The following RAB27B variants were observed in gnomAD, a reference collection of about 807,000 sequenced individuals.
The protein encoded by RAB27B is RAB27B, member RAS oncogene family.
A neutral mutation model predicts 24.6 loss-of-function variants in RAB27B; 15 were observed. The ratio of observed to expected loss-of-function variants is 0.61; its 90% CI spans 0.41 to 0.94. The LOEUF (loss-of-function observed/expected upper bound fraction) is 0.94, where lower values mean the gene tolerates loss of function less well. RAB27B is among the 40% of genes least tolerant of loss of function. RAB27B has a pLI of 0.00. For synonymous variants in RAB27B, 105 were observed against 92.5 expected, an observed-to-expected ratio of 1.14 and a Z score of -0.78; for missense variants, 261 against 266.8, an observed-to-expected ratio of 0.98 and a Z score of 0.15.
intron 4 of RAB27B, among the ~76,000 whole-genome samples, chr18:54,886,687 G>A (rs1913149762): frequency 1.3e-5 from 2 of 151,848 alleles, no homozygotes. Flanking sequence ...TTCAGAGAAT[G>A]GTTTGTTTAT....
In RAB27B at chr18:54,819,549, A is replaced by G. The variant is rs1167808684; in HGVS notation, c.-19-58018A>G. ...TCCATCTCAAAAAAAAAAAAAAAAG[A>G]AAAAAAAAAGAATAGATCATGTTCC... On this transcript the variant is annotated intron_variant, in intron 2 of 4. Coordinates refer to the RAB27B transcript ENST00000586570. Among the ~76,000 whole-genome samples the G allele has an allele frequency of 3.5e-5, 5 of 142,688 alleles. No individual in the cohort carries two copies. In the East Asian group the frequency reaches 8.2e-4, roughly 23 times the overall value. The allele number at this position is 142,688 out of a possible 152,430, so 93.6% of individuals were successfully genotyped here. A position where few individuals can be genotyped will look rare whatever the true frequency, so the allele number is the denominator to read the frequency against.
chr18:54,888,075 G>A lies in RAB27B; in HGVS notation c.424G>A (p.Glu142Lys). 1 of 1,613,112 alleles carries A rather than the reference G, an allele frequency of 6.2e-7. No individual in the cohort carries two copies. Among genetic ancestry groups the A allele is most frequent in the Non-Finnish European group, 8.5e-7 (1 of 1,179,370 alleles). ...GNKADLPDQR[E>K]VNERQARELA... ...CAAGGCAGACCTACCAGATCAGAGG[G>A]AAGTCAATGAACGGCAAGCTCGGGA... Residue 142 changes from glutamate (E) to lysine (K), a missense_variant, in exon 5 of 6, where the codon GAA becomes AAA. Transcript: ENST00000262094.
intron 3 of RAB27B, among the ~76,000 whole-genome samples, chr18:54,883,565 T>C (rs1913012417): frequency 6.6e-6 from 1 of 152,142 alleles, no homozygotes; most frequent in Non-Finnish European, 1.5e-5. Flanking sequence ...TTAACTTCAC[T>C]GAAGATGGTT....
chr18:54,763,736 C>T (rs1908270666), intron 2 of RAB27B, among the ~76,000 whole-genome samples: 1 of 152,038 alleles, frequency 6.6e-6, no homozygotes, highest in South Asian at 2.1e-4. Context: ...TCCTTAAATC[C>T]CTGTGCCTTA....
rs766672373 is a variant in RAB27B, at chr18:54,877,725, G to A, written c.140G>A (p.Arg47Gln). 1.3e-5 allele frequency: 21 copies of A among 1,579,548 alleles called. No individual in the cohort carries two copies. Among genetic ancestry groups the A allele is most frequent in the South Asian group, 2.4e-5 (2 of 83,582 alleles). ...KFITTVGIDF[R>Q]EKRVVYNAQG... is the part of the protein sequence containing the mutation. ...ATCACTACAGTAGGAATAGACTTTC[G>A]GGAAAAACGTGTGGTGAGTTTTTAA... The change falls in exon 2 of 6, where the codon CGG (arginine) becomes CAG (glutamine). Residue 47 changes from arginine to glutamine, a missense_variant. Physicochemically the swap from Arg to Gln is conservative, Grantham distance 43. Coordinates refer to ENST00000262094, the MANE Select transcript of RAB27B (RefSeq NM_004163.4).
At chr18:54,722,742 T>C (rs183579934) in intron 2 of RAB27B, among the ~76,000 whole-genome samples, 134 of 152,332 alleles carry the variant, frequency 8.8e-4, no homozygotes, top group Non-Finnish European at 4.7e-4. Context: ...TGCACATGTA[T>C]TCCCCCAAGC....
chr18:54,792,345 A>G (rs992304393), intron 2 of RAB27B, among the ~76,000 whole-genome samples: 2 of 152,160 alleles, frequency 1.3e-5, no homozygotes, highest in African/African-American at 4.8e-5. Flanking sequence ...ACCATGAGCC[A>G]CGGTTGCACC....
intron 4 of RAB27B, 60 bp downstream of exon 4, chr18:54,884,496 G>T: frequency 1.8e-6 from 2 of 1,124,022 alleles, no homozygotes; most frequent in South Asian, 1.3e-5. Context: ...TTAGGTGCTT[G>T]TTGGTCTTGC....
At chr18:54,762,503 C>T (rs1016328223) in intron 2 of RAB27B, among the ~76,000 whole-genome samples, 1 of 152,186 alleles carries the variant, frequency 6.6e-6, no homozygotes, top group African/African-American at 2.4e-5. Flanking sequence ...CCTCCTACTC[C>T]CGCTCTTGTT....
intron 1 of RAB27B, among the ~76,000 whole-genome samples, chr18:54,876,092 G>T (rs969592918): frequency 6.6e-6 from 1 of 152,098 alleles, no homozygotes; most frequent in Non-Finnish European, 1.5e-5. Context: ...ATGGTGGAAG[G>T]TGAAGGGAAA....
At chr18:54,773,389 G>A (rs1369738775) in intron 2 of RAB27B, among the ~76,000 whole-genome samples, 2 of 152,156 alleles carry the variant, frequency 1.3e-5, no homozygotes, top group African/African-American at 4.8e-5. Context: ...AGATGAATTT[G>A]GCCTGGTTTT....
At chr18:54,850,512 G>A (rs1911538578) in intron 1 of RAB27B, among the ~76,000 whole-genome samples, 1 of 150,886 alleles carries the variant, frequency 6.6e-6, no homozygotes, top group Non-Finnish European at 1.5e-5. Context: ...GACTACAGGT[G>A]TATGCCAGCA....
At chr18:54,825,571 A>G (rs1568082251), upstream of RAB27B, among the ~76,000 whole-genome samples, 1 of 152,050 alleles carries the variant, frequency 6.6e-6, no homozygotes, top group East Asian at 1.9e-4. Context: ...TGTTGAGTAT[A>G]TTTTCAATTT....
intron 2 of RAB27B, among the ~76,000 whole-genome samples, chr18:54,733,677 C>T (rs76102298): frequency 1.5e-5 from 2 of 130,938 alleles, no homozygotes; most frequent in Non-Finnish European, 3.2e-5. Context: ...TTGCTAAGCT[C>T]CTTGGCCTTC....
At chr18:54,792,984 A>G (rs528499022) in intron 2 of RAB27B, among the ~76,000 whole-genome samples, 1 of 152,312 alleles carries the variant, frequency 6.6e-6, no homozygotes, top group East Asian at 1.9e-4. Flanking sequence ...CCTTCTGTAT[A>G]TACGGATTTT....
chr18:54,767,946 T>G (rs1908416659), intron 2 of RAB27B, among the ~76,000 whole-genome samples: 1 of 152,118 alleles, frequency 6.6e-6, no homozygotes, highest in African/African-American at 2.4e-5. Context: ...AATTAAATAA[T>G]GATCAGGGAT....
At chr18:54,869,294 T>C (rs1194936197) in intron 1 of RAB27B, among the ~76,000 whole-genome samples, 1 of 152,232 alleles carries the variant, frequency 6.6e-6, no homozygotes, top group Non-Finnish European at 1.5e-5. Context: ...ATGACAAGCA[T>C]TGATCTGAAT....
chr18:54,811,591 G>A (rs542727614), intron 2 of RAB27B, among the ~76,000 whole-genome samples: 2 of 152,268 alleles, frequency 1.3e-5, no homozygotes, highest in African/African-American at 4.8e-5. Context: ...TAAACAGTAG[G>A]GCAGAGGAAG....
At chr18:54,837,449 G>A (rs569915310) in intron 1 of RAB27B, among the ~76,000 whole-genome samples, 27 of 152,216 alleles carry the variant, frequency 1.8e-4, no homozygotes, top group Non-Finnish European at 3.1e-4. Context: ...AAAAGGAAAG[G>A]CAGGTTGGGG....
Sources: allele counts gnomAD v4.1 joint callset (sites outside exome capture counted in the v4.1 genomes callset), GRCh38; gene constraint gnomAD v4.1.1; transcripts MANE v1.5; gene names NCBI Gene and HGNC (gene_info 2026-07-23, HGNC 2026-07-21).